SIX4: variants seen among roughly 807,000 people sequenced by gnomAD.
SIX4 encodes the protein SIX homeobox 4.
SIX4 carries 23 observed loss-of-function variants against 51.5 expected under a neutral mutation model. The observed-to-expected ratio is 0.45, with a 90% CI of 0.32 to 0.63. The LOEUF (loss-of-function observed/expected upper bound fraction) is 0.63. Ranked by LOEUF, SIX4 falls within the 30% of genes least tolerant of loss-of-function variation. The pLI is 0.04. For missense variants in SIX4, 867 were observed against 984.0 expected (o/e 0.88, Z 1.59); for synonymous variants, 413 against 417.3 (o/e 0.99, Z 0.13).
chr14:60,723,091 G>T, intron 1 of SIX4, 121 bp downstream of exon 1: 2 of 1,420,298 alleles, frequency 1.4e-6, no homozygotes, highest in Middle Eastern at 2.6e-4. Context: ...GGGGAGAGGT[G>T]GGCAGCCGGA....
At position 60,717,371 on chromosome 14, in the gene SIX4, C is replaced by T. The variant is rs971163312; in HGVS notation, c.1549+2389G>A. ...AACAGGCGTAAGCCACTGTGCCCGG[C>T]GTCTTTAAAATTCTTGTAGGCAGCT... On this transcript the variant is annotated intron_variant, in intron 2 of 2. Transcript: ENST00000216513. The surrounding 1 kb of genome is among the most constrained non-coding windows in gnomAD (Gnocchi z 4.6). 6.6e-6 allele frequency among the ~76,000 whole-genome samples: 1 copy of T among 152,246 alleles called. No individual in the cohort carries two copies. The highest frequency in any genetic ancestry group is 2.4e-5 in the African/African-American group (1 of 41,542).
At chr14:60,714,273 T>G in intron 2 of SIX4, 70 bp from the exon 3 acceptor site, 1 of 1,365,958 alleles carries the variant, frequency 7.3e-7, no homozygotes, top group Non-Finnish European at 9.7e-7. Context: ...ACACACACGT[T>G]TTTTTCTCAG....
At position 60,724,147 on chromosome 14, in the gene SIX4, C is replaced by G; in HGVS notation, c.-73G>C. ...CCTCTTTCTTTCCTCCTCTCTTACT[C>G]CTCCTCCTTCGTCTCCCTCCCTCCT... On this transcript the variant is annotated 5_prime_UTR_variant, in exon 1 of 3. Coordinates refer to ENST00000216513, the MANE Select transcript of SIX4 (RefSeq NM_017420.5). 3 of 1,605,710 alleles carry G rather than the reference C, an allele frequency of 1.9e-6. No individual in the cohort carries two copies. The Admixed American group carries it at 5.0e-5, about 27-fold the overall frequency.
chr14:60,724,310 T>C lies in SIX4; in HGVS notation c.-236A>G, dbSNP rs1205239273. 2.0e-6 allele frequency: 3 copies of C among 1,486,628 alleles called. No individual in the cohort carries two copies. The African/African-American group carries it at 4.2e-5, about 21-fold the overall frequency. The allele number at this position is 1,486,628 out of a possible 1,614,324, so 92.1% of individuals were successfully genotyped here. ...GTAAACGGATAGCTGCTTTCTGCCG[T>C]TCCCCCAACGTGACTCCTCCGGTTG... is the stretch of plus-strand genomic sequence containing the variant. On this transcript the variant is annotated 5_prime_UTR_variant, in exon 1 of 3. Transcript: ENST00000216513.
Position 60,717,474 on chromosome 14 carries a change from G to A in SIX4, c.1549+2286C>T, listed in dbSNP as rs901206433. Among the ~76,000 whole-genome samples, 4 of 152,190 alleles carry A rather than the reference G, an allele frequency of 2.6e-5. No homozygotes were observed. Among genetic ancestry groups the A allele is most frequent in the Non-Finnish European group, 4.4e-5 (3 of 68,040 alleles). ...TTTATGAAATTGTTTGCCAATGTAT[G>A]CATGAACAAAATGATTAGTTATCTT... is the stretch of plus-strand genomic sequence containing the variant. On this transcript the variant is annotated intron_variant, in intron 2 of 2. Coordinates refer to ENST00000216513, the MANE Select transcript of SIX4 (RefSeq NM_017420.5). This position sits in a 1 kb window ranked among gnomAD's most constrained non-coding sequence, Gnocchi z 4.6.
chr14:60,714,671 C>CTTT (rs543848316), intron 2 of SIX4, among the ~76,000 whole-genome samples: 1 of 143,658 alleles, frequency 7.0e-6, no homozygotes, highest in African/African-American at 2.6e-5. Context: ...CTTATTATTT[C>CTTT]TTTTTTTTTT....
Position 60,719,590 on chromosome 14 carries a change from G to T in SIX4, c.1549+170C>A, listed in dbSNP as rs78689047. On this transcript the variant is annotated intron_variant, in intron 2 of 2. Coordinates refer to ENST00000216513, the MANE Select transcript of SIX4 (RefSeq NM_017420.5). This position sits in a 1 kb window ranked among gnomAD's most constrained non-coding sequence, Gnocchi z 4.9. ...CAAGGGAATAAAGCAACCTGGATAT[G>T]ACATGGGTATTGTGAAAGAGGAGAA... 0.029 allele frequency among the ~76,000 whole-genome samples: 4,389 copies of T among 152,274 alleles called. 174 individuals carry two copies. The highest frequency in any genetic ancestry group is 0.093 in the African/African-American group (3,858 of 41,542).
chr14:60,714,316 A>G lies in SIX4; in HGVS notation c.1550-113T>C, dbSNP rs1895879236. 6 of 911,598 alleles carry G rather than the reference A, an allele frequency of 6.6e-6. No individual in the cohort carries two copies. The South Asian group carries it at 9.8e-5, about 15-fold the overall frequency. The allele number at this position is 911,598 out of a possible 1,614,324, so 56.5% of individuals were successfully genotyped here. On this transcript the variant is annotated intron_variant, in intron 2 of 2. Coordinates refer to ENST00000216513, the MANE Select transcript of SIX4 (RefSeq NM_017420.5). ...ATCTATAAAGAAGCAACACTTCCATACAATCATTTAGCCCAATTCTGGTTC... is the reference window on the plus strand; with the variant it reads ...ATCTATAAAGAAGCAACACTTCCATGCAATCATTTAGCCCAATTCTGGTTC...
At position 60,710,301 on chromosome 14, in the gene SIX4, C is replaced by T. The variant is rs750443909; in HGVS notation, c.*3106G>A. ...CCTGCCTTTCATAACACAAGAAAGGCACTGAAACGTGTACAATTTAAAAAG... is the reference window on the plus strand; with the variant it reads ...CCTGCCTTTCATAACACAAGAAAGGTACTGAAACGTGTACAATTTAAAAAG... On this transcript the variant is annotated 3_prime_UTR_variant, in exon 3 of 3. Coordinates refer to ENST00000216513, the MANE Select transcript of SIX4 (RefSeq NM_017420.5). 5 of 152,572 alleles carry T rather than the reference C, an allele frequency of 3.3e-5. No homozygotes were observed. The highest frequency in any genetic ancestry group is 7.3e-5 in the Non-Finnish European group (5 of 68,030). 9.5% of individuals were successfully genotyped at this position (152,572 alleles called of 1,614,324 possible). A position where few individuals can be genotyped will look rare whatever the true frequency, so the allele number is the denominator to read the frequency against.
At position 60,713,920 on chromosome 14, in the gene SIX4, T is replaced by G; in HGVS notation, c.1833A>C (p.Leu611Phe). 6.2e-7 allele frequency: 1 copy of G among 1,614,146 alleles called. No homozygotes were observed. Among genetic ancestry groups the G allele is most frequent in the Non-Finnish European group, 8.5e-7 (1 of 1,180,014 alleles). The change falls in exon 3 of 3, where the codon TTA becomes TTC. Residue 611 changes from leucine to phenylalanine, a missense_variant. Coordinates refer to ENST00000216513, the MANE Select transcript of SIX4 (RefSeq NM_017420.5). ...GSGLHPLASSLVNVSPTHNFS... is the reference protein window; with the variant it reads ...GSGLHPLASSFVNVSPTHNFS... ...AATTGTGAGTTGGAGATACATTAAC[T>G]AATGAGGAGGCCAGTGGATGCAGGC...
rs1466268176 is a variant in SIX4, at chr14:60,722,814, C to G, written c.863+398G>C. On this transcript the variant is annotated intron_variant, in intron 1 of 2. Transcript: ENST00000216513. The surrounding 1 kb of genome is among the most constrained non-coding windows in gnomAD (Gnocchi z 5.9). ...CGGCGCCGGCAGTCTCTGCGGGCCT[C>G]GGGCGGCAGGGAGAGCTACGGTGCC... Among the ~76,000 whole-genome samples the G allele has an allele frequency of 6.6e-6, 1 of 151,944 alleles. No homozygotes were observed. Among genetic ancestry groups the G allele is most frequent in the Admixed American group, 6.5e-5 (1 of 15,272 alleles).
At chr14:60,716,147 C>T (rs1445191367) in intron 2 of SIX4, among the ~76,000 whole-genome samples, 5 of 150,686 alleles carry the variant, frequency 3.3e-5, no homozygotes, top group East Asian at 2.0e-4. Flanking sequence ...ATTATGTGAA[C>T]GTGGCTCACT....
chr14:60,713,342 T>C lies in SIX4; in HGVS notation c.*65A>G. The C allele has an allele frequency of 1.3e-6, 2 of 1,494,552 alleles. No individual in the cohort carries two copies. Among genetic ancestry groups the C allele is most frequent in the South Asian group, 1.3e-5 (1 of 74,108 alleles). The allele number at this position is 1,494,552 out of a possible 1,614,324, so 92.6% of individuals were successfully genotyped here. Reference sequence around the variant, plus strand: ...TTCCTTTAAATGGGAAAATGTTTTGTGTCCTTGGGGCTTCATGAAAAGATT... The same window carrying C: ...TTCCTTTAAATGGGAAAATGTTTTGCGTCCTTGGGGCTTCATGAAAAGATT... On this transcript the variant is annotated 3_prime_UTR_variant, in exon 3 of 3. Transcript: ENST00000216513.
At position 60,710,426 on chromosome 14, in the gene SIX4, C is replaced by CT. The variant is rs1895800151; in HGVS notation, c.*2980dup. 1 of 152,616 alleles carries CT rather than the reference C, an allele frequency of 6.6e-6. No homozygotes were observed. Among genetic ancestry groups the CT allele is most frequent in the African/African-American group, 2.4e-5 (1 of 41,454 alleles). The allele number at this position is 152,616 out of a possible 1,614,324, so 9.5% of individuals were successfully genotyped here. On this transcript the variant is annotated 3_prime_UTR_variant, in exon 3 of 3. Transcript: ENST00000216513. ...ATGCACCTTCTCTTTAAACAATAGA[C>CT]TGTCCTTTACTAGATTTAACTAAGA...
rs2140263930 is a variant in SIX4, at chr14:60,710,399, A to G, written c.*3008T>C. On this transcript the variant is annotated 3_prime_UTR_variant, in exon 3 of 3. Coordinates refer to ENST00000216513, the MANE Select transcript of SIX4 (RefSeq NM_017420.5). ...AGGTGCTCTTGCTTGATTGAGGAAC[A>G]AATGCACCTTCTCTTTAAACAATAG... 6.5e-6 allele frequency: 1 copy of G among 152,770 alleles called. No individual in the cohort carries two copies. Among genetic ancestry groups the G allele is most frequent in the Non-Finnish European group, 1.5e-5 (1 of 68,038 alleles). 9.5% of individuals were successfully genotyped at this position (152,770 alleles called of 1,614,324 possible). A position where few individuals can be genotyped will look rare whatever the true frequency, so the allele number is the denominator to read the frequency against.
chr14:60,714,159 T>C lies in SIX4; in HGVS notation c.1594A>G (p.Thr532Ala), dbSNP rs769968389. The C allele has an allele frequency of 3.1e-6, 5 of 1,608,744 alleles. No individual in the cohort carries two copies. Among genetic ancestry groups the C allele is most frequent in the South Asian group, 1.1e-5 (1 of 89,860 alleles). The stretch of plus-strand genomic sequence containing the variant: ...TGCTGGACTGTGGTAGACTCACTTG[T>C]AAATGTGCTTCCATCTGAAGTGCTT... The part of the protein sequence containing the change: ...SSSTSDGSTF[T>A]SESTTVQQGK... The change falls in exon 3 of 3, where the codon ACA (threonine) becomes GCA (alanine). Residue 532 changes from threonine to alanine, a missense_variant. Physicochemically the swap from Thr to Ala is moderately conservative, Grantham distance 58. Coordinates refer to ENST00000216513, the MANE Select transcript of SIX4 (RefSeq NM_017420.5).
chr14:60,719,705 C>A lies in SIX4; in HGVS notation c.1549+55G>T. The A allele has an allele frequency of 6.5e-7, 1 of 1,544,822 alleles. No homozygotes were observed. Among genetic ancestry groups the A allele is most frequent in the South Asian group, 1.2e-5 (1 of 82,970 alleles). ...TAGCTATCACCAAATGCGTCACTTA[C>A]AGCAGCTGATGAACACATTTGCTGG... On this transcript the variant is annotated intron_variant, in intron 2 of 2. Transcript: ENST00000216513. The surrounding 1 kb of genome is among the most constrained non-coding windows in gnomAD (Gnocchi z 4.9).
rs1594700760 is a variant in SIX4, at chr14:60,722,137, C to CT, written c.863+1074dup. ...AGAACCTTCGAGCTGCTTTTGGATT[C>CT]TTTCTCTCCTATCCCCGCGGGGCTG... On this transcript the variant is annotated intron_variant, in intron 1 of 2. Coordinates refer to ENST00000216513, the MANE Select transcript of SIX4 (RefSeq NM_017420.5). This position sits in a 1 kb window ranked among gnomAD's most constrained non-coding sequence, Gnocchi z 5.9. Among the ~76,000 whole-genome samples the CT allele has an allele frequency of 6.6e-6, 1 of 152,318 alleles. No individual in the cohort carries two copies. Among genetic ancestry groups the CT allele is most frequent in the East Asian group, 1.9e-4 (1 of 5,174 alleles).
chr14:60,724,203 C>T lies in SIX4; in HGVS notation c.-129G>A. 6.4e-7 allele frequency: 1 copy of T among 1,565,496 alleles called. No homozygotes were observed. The highest frequency in any genetic ancestry group is 8.6e-7 in the Non-Finnish European group (1 of 1,162,096). On this transcript the variant is annotated 5_prime_UTR_variant, in exon 1 of 3. Transcript: ENST00000216513. ...CCTCCGGAAAGCCCACTCCCTCCCTCCTGGTTTCGGCTGTATCTGGCCGAT... is the reference window on the plus strand; with the variant it reads ...CCTCCGGAAAGCCCACTCCCTCCCTTCTGGTTTCGGCTGTATCTGGCCGAT...
Sources: allele counts gnomAD v4.1 joint callset (sites outside exome capture counted in the v4.1 genomes callset), GRCh38; gene constraint gnomAD v4.1.1; non-coding constraint Gnocchi (gnomAD v3.1); transcripts MANE v1.5; gene names NCBI Gene and HGNC (gene_info 2026-07-23, HGNC 2026-07-21).